The following CPQ variants were observed in gnomAD, a reference collection of about 807,000 sequenced individuals.
CPQ encodes carboxypeptidase Q, also known as Ser-Met dipeptidase.
A neutral mutation model predicts 45.7 loss-of-function variants in CPQ; 37 were observed. That is an observed-to-expected ratio of 0.81 (90% CI 0.62 to 1.07). The LOEUF (loss-of-function observed/expected upper bound fraction) is 1.07. CPQ is among the 50% of genes least tolerant of loss of function. CPQ has a pLI of 0.00. For missense variants in CPQ, 537 were observed against 572.9 expected (o/e 0.94, Z 0.64); for synonymous variants, 186 against 205.8 (o/e 0.90, Z 0.82).
intron 1 of CPQ, among the ~76,000 whole-genome samples, chr8:96,749,110 C>G (rs1397700773): frequency 1.3e-5 from 2 of 152,226 alleles, no homozygotes; most frequent in Middle Eastern, 3.4e-3. Context: ...TCCTCTCTTG[C>G]CTCTATGGGT....
At chr8:97,087,639 C>G (rs1009922331) in intron 7 of CPQ, among the ~76,000 whole-genome samples, 1 of 152,022 alleles carries the variant, frequency 6.6e-6, no homozygotes, top group African/African-American at 2.4e-5. Flanking sequence ...CTAAATTAGC[C>G]AAGTTTGTGC....
intron 7 of CPQ, among the ~76,000 whole-genome samples, chr8:97,103,770 T>C (rs1331257452): frequency 2.0e-5 from 3 of 152,166 alleles, no homozygotes; most frequent in African/African-American, 7.2e-5. Context: ...GTTACTCCTG[T>C]GGGCCACTGG....
At chr8:96,904,487 C>T (rs1393466216) in intron 4 of CPQ, among the ~76,000 whole-genome samples, 1 of 152,286 alleles carries the variant, frequency 6.6e-6, no homozygotes, top group East Asian at 1.9e-4. Flanking sequence ...GATTGCAGCT[C>T]TGACTTATCA....
At chr8:96,892,636 G>T (rs1471516295) in intron 4 of CPQ, among the ~76,000 whole-genome samples, 1 of 152,140 alleles carries the variant, frequency 6.6e-6, no homozygotes, top group African/African-American at 2.4e-5. Flanking sequence ...AAAAATACAT[G>T]TGTGGCAAGC....
intron 1 of CPQ, among the ~76,000 whole-genome samples, chr8:96,756,675 A>G (rs747717305): frequency 1.1e-4 from 17 of 152,124 alleles, no homozygotes; most frequent in Admixed American, 3.3e-4. Context: ...TCATATTTGG[A>G]CCATTCTTGG....
chr8:96,861,329 A>G (rs1038592539), intron 3 of CPQ, among the ~76,000 whole-genome samples: 1 of 152,180 alleles, frequency 6.6e-6, no homozygotes, highest in African/African-American at 2.4e-5. Flanking sequence ...GACAAAGCAG[A>G]AAATTGGGAA....
chr8:96,729,674 A>G (rs1378270120), intron 1 of CPQ, among the ~76,000 whole-genome samples: 1 of 152,174 alleles, frequency 6.6e-6, no homozygotes, highest in Non-Finnish European at 1.5e-5. Flanking sequence ...TTTCTTAAAA[A>G]TGACAATTTT....
chr8:96,741,395 A>G (rs1810089469), intron 1 of CPQ, among the ~76,000 whole-genome samples: 1 of 151,992 alleles, frequency 6.6e-6, no homozygotes, highest in Non-Finnish European at 1.5e-5. Context: ...CTAGCGGTCT[A>G]TCAATTTTGT....
At position 96,882,265 on chromosome 8, in the gene CPQ, G is replaced by C. The variant is rs532302345; in HGVS notation, c.849+2260G>C. On this transcript the variant is annotated intron_variant, in intron 4 of 7. Coordinates refer to ENST00000220763, the MANE Select transcript of CPQ (RefSeq NM_016134.4). ...AAACAAGAACTCAGTAGAATCACAG[G>C]GAGTCAGACAGCTGTAGAGAAACGG... Among the ~76,000 whole-genome samples, 3 of 152,332 alleles carry C rather than the reference G, an allele frequency of 2.0e-5. No individual in the cohort carries two copies. The East Asian group carries it at 5.8e-4, about 29-fold the overall frequency.
chr8:96,735,684 A>G (rs898998070), intron 1 of CPQ, among the ~76,000 whole-genome samples: 2 of 152,142 alleles, frequency 1.3e-5, no homozygotes, highest in Non-Finnish European at 2.9e-5. Flanking sequence ...ATATGCCATA[A>G]AAATCCACAT....
chr8:97,045,342 A>G (rs1424683647), intron 6 of CPQ, among the ~76,000 whole-genome samples: 3 of 152,220 alleles, frequency 2.0e-5, no homozygotes, highest in Admixed American at 6.5e-5. Flanking sequence ...CCGTCGGAAA[A>G]GCGCAGCATT....
At chr8:96,751,078 A>G (rs1810252883) in intron 1 of CPQ, among the ~76,000 whole-genome samples, 1 of 152,152 alleles carries the variant, frequency 6.6e-6, no homozygotes. Context: ...GCTGTTGTGA[A>G]TAGTGCTGCA....
At chr8:96,863,610 C>T (rs1022777060) in intron 3 of CPQ, among the ~76,000 whole-genome samples, 2 of 152,028 alleles carry the variant, frequency 1.3e-5, no homozygotes, top group African/African-American at 4.8e-5. Flanking sequence ...CTAGGTTTCT[C>T]ATAGTCAAGA....
chr8:97,014,037 T>C (rs553309365), intron 5 of CPQ, among the ~76,000 whole-genome samples: 1 of 152,288 alleles, frequency 6.6e-6, no homozygotes, highest in South Asian at 2.1e-4. Context: ...ATGACTGCTA[T>C]AGGTGATAAG....
At chr8:96,996,837 T>C (rs1288980474) in intron 5 of CPQ, among the ~76,000 whole-genome samples, 1 of 151,966 alleles carries the variant, frequency 6.6e-6, no homozygotes, top group African/African-American at 2.4e-5. Flanking sequence ...GACTTTACCA[T>C]TTCCCCCAGA....
At chr8:97,136,404 A>G (rs1261119240) in intron 7 of CPQ, among the ~76,000 whole-genome samples, 2 of 152,230 alleles carry the variant, frequency 1.3e-5, no homozygotes, top group Non-Finnish European at 2.9e-5. Context: ...TTGTGGCTGT[A>G]TAACAACTAT....
chr8:96,865,962 T>C (rs1811991234), intron 3 of CPQ, among the ~76,000 whole-genome samples: 1 of 152,004 alleles, frequency 6.6e-6, no homozygotes, highest in African/African-American at 2.4e-5. Flanking sequence ...GAGGGTGGCA[T>C]GTAGGTTAGT....
At chr8:96,967,574 G>A (rs1485192862) in intron 5 of CPQ, among the ~76,000 whole-genome samples, 1 of 152,202 alleles carries the variant, frequency 6.6e-6, no homozygotes, top group East Asian at 1.9e-4. Flanking sequence ...AGTGAATTGA[G>A]TATCTTTTAC....
At chr8:96,718,581 G>T (rs1809716418) in intron 1 of CPQ, among the ~76,000 whole-genome samples, 2 of 152,126 alleles carry the variant, frequency 1.3e-5, no homozygotes, top group Admixed American at 1.3e-4. Flanking sequence ...AAGATTTATT[G>T]CAAAGAGCGA....
Sources: allele counts gnomAD v4.1 joint callset (sites outside exome capture counted in the v4.1 genomes callset), GRCh38; gene constraint gnomAD v4.1.1; transcripts MANE v1.5; gene names NCBI Gene and HGNC (gene_info 2026-07-23, HGNC 2026-07-21).